GPC6: variants seen among roughly 807,000 people sequenced by gnomAD.
GPC6 encodes glypican 6, also known as glypican-6.
GPC6 carries 14 observed loss-of-function variants against 55.2 expected under a neutral mutation model. The observed-to-expected ratio is 0.25, with a 90% confidence interval of 0.17 to 0.40. The LOEUF (loss-of-function observed/expected upper bound fraction) is 0.40. Ranked by LOEUF, GPC6 falls within the 10% of genes least tolerant of loss-of-function variation. GPC6 has a pLI of 1.00. For synonymous variants in GPC6, 278 were observed against 259.6 expected, an observed-to-expected ratio of 1.07 and a Z score of -0.68; for missense variants, 641 against 708.5, an observed-to-expected ratio of 0.90 and a Z score of 1.08.
At chr13:93,869,788 A>G (rs545693317) in intron 3 of GPC6, among the ~76,000 whole-genome samples, 1 of 151,952 alleles carries the variant, frequency 6.6e-6, no homozygotes, top group East Asian at 2.0e-4. Context: ...CTCTCTAAAT[A>G]TGTTCTTTCC....
intron 1 of GPC6, among the ~76,000 whole-genome samples, chr13:93,527,544 A>G (rs1881703896): frequency 6.6e-6 from 1 of 152,176 alleles, no homozygotes; most frequent in South Asian, 2.1e-4. Context: ...TTACCTGAAC[A>G]CAGACATTTT....
At chr13:94,149,577 G>A (rs1286218037) in intron 4 of GPC6, among the ~76,000 whole-genome samples, 1 of 152,106 alleles carries the variant, frequency 6.6e-6, no homozygotes, top group African/African-American at 2.4e-5. Flanking sequence ...AGCCCACAAT[G>A]AGGGTCAGAA....
intron 1 of GPC6, among the ~76,000 whole-genome samples, chr13:93,418,641 G>A (rs930827549): frequency 1.3e-5 from 2 of 150,876 alleles, no homozygotes; most frequent in Admixed American, 6.6e-5. Flanking sequence ...CTATACCGTA[G>A]TATCATTTTA....
intron 5 of GPC6, among the ~76,000 whole-genome samples, chr13:94,292,813 T>C (rs993747595): frequency 2.6e-5 from 4 of 152,198 alleles, no homozygotes; most frequent in African/African-American, 9.6e-5. Flanking sequence ...TCACCAAGTA[T>C]GTTCATGCTT....
At chr13:94,375,158 A>G (rs933710603) in intron 6 of GPC6, among the ~76,000 whole-genome samples, 2 of 151,224 alleles carry the variant, frequency 1.3e-5, no homozygotes, top group African/African-American at 2.4e-5. Context: ...AGAACTAGAA[A>G]AGCAAGAGCA....
chr13:93,850,158 G>T (rs1466742542), intron 3 of GPC6, among the ~76,000 whole-genome samples: 4 of 151,978 alleles, frequency 2.6e-5, no homozygotes, highest in African/African-American at 9.7e-5. Flanking sequence ...AGTAGGTTTG[G>T]CCAGGGTAAT....
rs1216831185 is a variant in GPC6 at position 94,402,948 on chromosome 13, T to C, written c.1466-67T>C. The C allele has an allele frequency of 3.6e-6, 4 of 1,112,172 alleles. No homozygotes were observed. In the East Asian group the frequency reaches 9.4e-5, roughly 26 times the overall value. The allele number at this position is 1,112,172 out of a possible 1,614,324, so 68.9% of individuals were successfully genotyped here. On this transcript the variant is annotated intron_variant, in intron 8 of 8. Coordinates refer to ENST00000377047, the MANE Select transcript of GPC6 (RefSeq NM_005708.5). ...TGGGGATTACAATTCAAGATGAGATTTGGGTGGGGCCACAAAGCCTAAACA... is the reference window on the plus strand; with the variant it reads ...TGGGGATTACAATTCAAGATGAGATCTGGGTGGGGCCACAAAGCCTAAACA...
At chr13:94,395,064 C>T (rs984604432) in intron 7 of GPC6, among the ~76,000 whole-genome samples, 15 of 152,312 alleles carry the variant, frequency 9.8e-5, no homozygotes, top group African/African-American at 3.1e-4. Context: ...ATGCCAGAAT[C>T]GACCATCACC....
chr13:93,653,610 G>GTGTA (rs1555320586), intron 2 of GPC6, among the ~76,000 whole-genome samples: 6 of 125,584 alleles, frequency 4.8e-5, no homozygotes, highest in Admixed American at 8.0e-5. Flanking sequence ...GTGTGTGTGT[G>GTGTA]TGTACATATA....
intron 5 of GPC6, among the ~76,000 whole-genome samples, chr13:94,296,232 C>T (rs1352313380): frequency 4.6e-5 from 7 of 152,176 alleles, no homozygotes; most frequent in African/African-American, 1.2e-4. Context: ...CAAAAGTGTT[C>T]TCCTTTTGAT....
At chr13:93,514,239 C>T (rs778429722) in intron 1 of GPC6, among the ~76,000 whole-genome samples, 13 of 152,032 alleles carry the variant, frequency 8.6e-5, no homozygotes, top group African/African-American at 3.1e-4. Flanking sequence ...GCTGAACAGA[C>T]GTCTGTGTGG....
At chr13:93,665,945 C>T (rs1250407247) in intron 2 of GPC6, among the ~76,000 whole-genome samples, 1 of 152,172 alleles carries the variant, frequency 6.6e-6, no homozygotes, top group Non-Finnish European at 1.5e-5. Flanking sequence ...ACTAAGTCCT[C>T]AGTGCTATAC....
In GPC6 at chr13:93,478,507, A is replaced by G. The variant is rs560884179; in HGVS notation, c.161-66756A>G. The stretch of plus-strand genomic sequence containing the variant: ...TAATTTACCAGAAAAAAATTCCTGA[A>G]ATTATCATGGTTCTATAAGCAAATT... On this transcript the variant is annotated intron_variant, in intron 1 of 8. Coordinates refer to ENST00000377047, the MANE Select transcript of GPC6 (RefSeq NM_005708.5). 9.8e-5 allele frequency among the ~76,000 whole-genome samples: 15 copies of G among 152,340 alleles called. No individual in the cohort carries two copies. In the South Asian group the frequency reaches 3.1e-3, roughly 32 times the overall value.
At chr13:94,044,497 T>C (rs1218028666) in intron 4 of GPC6, among the ~76,000 whole-genome samples, 5 of 151,894 alleles carry the variant, frequency 3.3e-5, no homozygotes, top group East Asian at 3.9e-4. Context: ...ACATTACTAA[T>C]AGCTGTGTAG....
At chr13:93,521,226 T>A (rs1375003782) in intron 1 of GPC6, among the ~76,000 whole-genome samples, 4 of 152,026 alleles carry the variant, frequency 2.6e-5, no homozygotes, top group Non-Finnish European at 5.9e-5. Flanking sequence ...TAAACTGGAA[T>A]AATATTGCAT....
intron 2 of GPC6, among the ~76,000 whole-genome samples, chr13:93,624,454 A>G (rs1271222652): frequency 6.6e-6 from 1 of 152,212 alleles, no homozygotes; most frequent in African/African-American, 2.4e-5. Context: ...GTTATCTTAA[A>G]CTTGGTTTCA....
chr13:93,251,631 C>T (rs1314493707), intron 1 of GPC6, among the ~76,000 whole-genome samples: 1 of 152,154 alleles, frequency 6.6e-6, no homozygotes, highest in African/African-American at 2.4e-5. Flanking sequence ...CTTTTCAACT[C>T]TGGTTTCCTA....
Position 93,912,469 on chromosome 13 carries a change from T to C in GPC6, c.711+81924T>C, listed in dbSNP as rs35308914. On this transcript the variant is annotated intron_variant, in intron 3 of 8. Transcript: ENST00000377047. ...TCAAAACAAGACAAATTCGGCCGGG[T>C]GCAGTGGCTCACGCCTGTAATCCCA... Among the ~76,000 whole-genome samples, 889 of 152,164 alleles carry C rather than the reference T, an allele frequency of 5.8e-3. 2 individuals are homozygous for C. The highest frequency in any genetic ancestry group is 9.2e-3 in the Non-Finnish European group (628 of 67,984).
intron 3 of GPC6, among the ~76,000 whole-genome samples, chr13:93,883,875 C>T (rs2140312080): frequency 6.6e-6 from 1 of 152,194 alleles, no homozygotes; most frequent in African/African-American, 2.4e-5. Context: ...AATATATTTA[C>T]TAAGCACAGT....
Sources: gnomAD v4.1 joint callset for allele counts (sites outside exome capture counted in the v4.1 genomes callset) on GRCh38, gnomAD v4.1.1 for gene constraint, MANE v1.5 for transcripts, NCBI Gene and HGNC (gene_info 2026-07-23, HGNC 2026-07-21) for gene names.